Variants in PDE4D observed in about 807,000 individuals in gnomAD.
PDE4D encodes phosphodiesterase 4D, also known as 3',5'-cyclic-AMP phosphodiesterase 4D.
Under a neutral mutation model 87.4 loss-of-function variants are expected in PDE4D, and 24 were observed. The ratio of observed to expected loss-of-function variants is 0.27; its 90% CI spans 0.20 to 0.39. PDE4D has a LOEUF of 0.39. Among genes scored for constraint, PDE4D ranks in the 10% least tolerant of loss-of-function variants. PDE4D has a pLI of 1.00. For missense variants in PDE4D, 714 were observed against 1,041.0 expected, an observed-to-expected ratio of 0.69 and a Z score of 4.32; for synonymous variants, 384 against 383.2, an observed-to-expected ratio of 1.00 and a Z score of -0.02.
chr5:59,605,572 T>C (rs1045103860), intron 1 of PDE4D, among the ~76,000 whole-genome samples: 7 of 152,228 alleles, frequency 4.6e-5, no homozygotes, highest in Admixed American at 2.0e-4. Flanking sequence ...ATTGATCTCA[T>C]TTATCCCAGG....
At chr5:59,847,761 T>C (rs915906099) in intron 1 of PDE4D, among the ~76,000 whole-genome samples, 15 of 152,082 alleles carry the variant, frequency 9.9e-5, no homozygotes, top group African/African-American at 3.4e-4. Flanking sequence ...TTGACAGAAG[T>C]CTGCTCTGAA....
Position 60,416,537 on chromosome 5 carries a change from C to T in PDE4D, c.-90+71405G>A, listed in dbSNP as rs558076530. ...GACTTAAGAGCTGTAACACTCACCG[C>T]GAAGGTCTGCAGCTTCACTCCTGAG... On this transcript the variant is annotated intron_variant, in intron 1 of 16. Transcript: ENST00000502484. 5.3e-5 allele frequency among the ~76,000 whole-genome samples: 8 copies of T among 152,192 alleles called. No homozygotes were observed. In the East Asian group the frequency reaches 5.8e-4, roughly 11 times the overall value.
At chr5:60,214,168 T>C (rs1228458763) in intron 1 of PDE4D, among the ~76,000 whole-genome samples, 1 of 152,204 alleles carries the variant, frequency 6.6e-6, no homozygotes, top group Non-Finnish European at 1.5e-5. Flanking sequence ...ATGAAAACTT[T>C]ATTAGTATCA....
At chr5:60,382,934 C>T (rs1160561406) in intron 1 of PDE4D, among the ~76,000 whole-genome samples, 1 of 152,042 alleles carries the variant, frequency 6.6e-6, no homozygotes, top group African/African-American at 2.4e-5. Flanking sequence ...AGAAAGTCTT[C>T]AAAGTGTAAC....
intron 1 of PDE4D, among the ~76,000 whole-genome samples, chr5:60,429,074 G>T (rs1018855889): frequency 1.3e-5 from 2 of 152,160 alleles, no homozygotes; most frequent in African/African-American, 4.8e-5. Context: ...TGCCAAATTT[G>T]TATGATAAAT....
chr5:59,784,830 T>C (rs1764997180), intron 1 of PDE4D, among the ~76,000 whole-genome samples: 1 of 152,128 alleles, frequency 6.6e-6, no homozygotes, highest in Non-Finnish European at 1.5e-5. Context: ...GGGGCAATTT[T>C]CCCCATACTG....
intron 1 of PDE4D, among the ~76,000 whole-genome samples, chr5:59,367,953 G>C (rs1179071666): frequency 6.6e-6 from 1 of 152,224 alleles, no homozygotes; most frequent in Non-Finnish European, 1.5e-5. Flanking sequence ...TTTCCTTCAC[G>C]AGGAGCTAGC....
intron 1 of PDE4D, among the ~76,000 whole-genome samples, chr5:60,458,537 C>T (rs1471687527): frequency 6.6e-6 from 1 of 151,986 alleles, no homozygotes; most frequent in African/African-American, 2.4e-5. Flanking sequence ...TTTTTCAAGA[C>T]ATAAGTCAGC....
intron 1 of PDE4D, among the ~76,000 whole-genome samples, chr5:59,266,074 C>T (rs1385606965): frequency 6.6e-6 from 1 of 151,922 alleles, no homozygotes; most frequent in Non-Finnish European, 1.5e-5. Flanking sequence ...CTCTCTTTTT[C>T]AGCTCAAACT....
intron 2 of PDE4D, among the ~76,000 whole-genome samples, chr5:60,171,578 AATATTTTTTCCAGAAAG>A (rs1292337787): frequency 6.6e-6 from 1 of 152,112 alleles, no homozygotes; most frequent in Non-Finnish European, 1.5e-5. Context: ...AGGCTTTATA[AATATTTTTTCCAGAAAG>A]GATTAAAACC....
At chr5:59,794,178 CACAG>C (rs774309354) in intron 1 of PDE4D, among the ~76,000 whole-genome samples, 1 of 133,714 alleles carries the variant, frequency 7.5e-6, no homozygotes, top group African/African-American at 2.7e-5. Flanking sequence ...CACACACACA[CACAG>C]ACAACTCTAG....
At chr5:59,842,005 T>A (rs983636737) in intron 1 of PDE4D, among the ~76,000 whole-genome samples, 5 of 151,916 alleles carry the variant, frequency 3.3e-5, no homozygotes, top group African/African-American at 1.2e-4. Context: ...CTAGGTGATA[T>A]GTTGGAATGG....
intron 1 of PDE4D, among the ~76,000 whole-genome samples, chr5:59,299,809 G>A (rs1306789236): frequency 1.3e-5 from 2 of 152,044 alleles, no homozygotes; most frequent in Non-Finnish European, 1.5e-5. Flanking sequence ...GAGAAACACT[G>A]GAATAAAAAA....
At chr5:60,072,574 C>T (rs1480729552) in intron 2 of PDE4D, among the ~76,000 whole-genome samples, 1 of 152,076 alleles carries the variant, frequency 6.6e-6, no homozygotes, top group Non-Finnish European at 1.5e-5. Flanking sequence ...ATCATAAAAT[C>T]TTTGCCAGTT....
At chr5:59,745,981 C>T (rs1759547479) in intron 1 of PDE4D, among the ~76,000 whole-genome samples, 1 of 152,104 alleles carries the variant, frequency 6.6e-6, no homozygotes, top group Non-Finnish European at 1.5e-5. Context: ...TAAAACCTGG[C>T]ATCATCTTGT....
At chr5:59,898,861 A>C (rs974370461) in intron 3 of PDE4D, among the ~76,000 whole-genome samples, 1 of 152,168 alleles carries the variant, frequency 6.6e-6, no homozygotes, top group Non-Finnish European at 1.5e-5. Context: ...GTTGATGAGT[A>C]GGATGCAAAG....
In PDE4D at chr5:60,395,040, A is replaced by G. The variant is rs947851285; in HGVS notation, c.-90+92902T>C. 3.9e-5 allele frequency among the ~76,000 whole-genome samples: 6 copies of G among 152,328 alleles called. No homozygotes were observed. In the East Asian group the frequency reaches 9.6e-4, roughly 24 times the overall value. On this transcript the variant is annotated intron_variant, in intron 1 of 16. Transcript: ENST00000502484. ...TAATACTCCTAAAGTGACCCACCCG[A>G]GCCTAGATTTTCTTCAAATGGCTCG...
At chr5:60,073,533 G>C (rs12656903) in intron 2 of PDE4D, among the ~76,000 whole-genome samples, 3 of 149,512 alleles carry the variant, frequency 2.0e-5, no homozygotes, top group Admixed American at 2.0e-4. Context: ...TGGCCTCATA[G>C]AATGTGCTGG....
chr5:59,942,178 T>C (rs1368612606), intron 3 of PDE4D, among the ~76,000 whole-genome samples: 2 of 152,268 alleles, frequency 1.3e-5, no homozygotes, highest in Non-Finnish European at 2.9e-5. Context: ...CATTTGCTAT[T>C]TGTCCTTAGG....
Sources: allele counts gnomAD v4.1 joint callset (sites outside exome capture counted in the v4.1 genomes callset), GRCh38; gene constraint gnomAD v4.1.1; transcripts MANE v1.5; gene names NCBI Gene and HGNC (gene_info 2026-07-23, HGNC 2026-07-21).